The following RYR2 variants were observed in gnomAD, a reference collection of about 807,000 sequenced individuals.
RYR2 encodes ryanodine receptor 2, also known as cardiac muscle ryanodine receptor-calcium release channel.
A neutral mutation model predicts 601.1 loss-of-function variants in RYR2; 227 were observed. The observed-to-expected ratio is 0.38, with a 90% confidence interval of 0.34 to 0.42. RYR2 has a LOEUF of 0.42. RYR2 is among the 10% of genes least tolerant of loss of function. The pLI, the probability that RYR2 is intolerant of heterozygous loss-of-function variation, is 1.00. For synonymous variants in RYR2, 2,223 were observed against 2,175.1 expected, an observed-to-expected ratio of 1.02 and a Z score of -0.61; for missense variants, 4,646 against 6,156.5, an observed-to-expected ratio of 0.75 and a Z score of 8.21.
At chr1:237,141,858 C>T (rs1673428682) in intron 1 of RYR2, among the ~76,000 whole-genome samples, 1 of 152,140 alleles carries the variant, frequency 6.6e-6, no homozygotes, top group Non-Finnish European at 1.5e-5. Context: ...CTTGGTTCAC[C>T]ACTTGGACCT....
intron 2 of RYR2, among the ~76,000 whole-genome samples, chr1:237,323,840 G>A (rs1007656779): frequency 2.6e-5 from 4 of 152,146 alleles, no homozygotes; most frequent in Admixed American, 6.5e-5. Flanking sequence ...ATTTAAGACC[G>A]GGGAAAACCC....
At position 237,716,851 on chromosome 1, in the gene RYR2, T is replaced by G. The variant is rs377061433; in HGVS notation, c.10324-347T>G. Among the ~76,000 whole-genome samples, 7 of 152,286 alleles carry G rather than the reference T, an allele frequency of 4.6e-5. No individual in the cohort carries two copies. The East Asian group carries it at 7.7e-4, about 17-fold the overall frequency. ...CAAAAATAAGCCCTTTATTCTTATA[T>G]TTCTTAAGCATTGAAAATTAGAAAG... On this transcript the variant is annotated intron_variant, in intron 71 of 104. Coordinates refer to ENST00000366574, the MANE Select transcript of RYR2 (RefSeq NM_001035.3).
chr1:237,305,146 A>G (rs2149467721), intron 2 of RYR2, among the ~76,000 whole-genome samples: 1 of 152,328 alleles, frequency 6.6e-6, no homozygotes, highest in East Asian at 1.9e-4. Flanking sequence ...TCTTAGGTAT[A>G]TATTCTAGCA....
chr1:237,216,709 T>C (rs1007248402), intron 1 of RYR2, among the ~76,000 whole-genome samples: 7 of 150,982 alleles, frequency 4.6e-5, no homozygotes, highest in African/African-American at 1.5e-4. Context: ...GCACTCCAGC[T>C]TGGGCGACAC....
At chr1:237,442,885 A>G (rs6666203) in intron 13 of RYR2, among the ~76,000 whole-genome samples, 7,443 of 152,280 alleles carry the variant, frequency 0.049, 446 homozygotes, top group African/African-American at 0.15. Flanking sequence ...CTAGATGAAC[A>G]CAATTTTTAG....
chr1:237,727,426 A>T (rs933712789), intron 76 of RYR2, among the ~76,000 whole-genome samples: 1 of 152,136 alleles, frequency 6.6e-6, no homozygotes, highest in African/African-American at 2.4e-5. Flanking sequence ...CTGCTCACAT[A>T]TGTGAGGCAA....
intron 1 of RYR2, among the ~76,000 whole-genome samples, chr1:237,083,618 A>G (rs1052911718): frequency 2.0e-5 from 3 of 152,042 alleles, no homozygotes; most frequent in Non-Finnish European, 2.9e-5. Flanking sequence ...AGAGAAGGAG[A>G]TAGTGGGCTA....
At chr1:237,801,977 T>C in intron 98 of RYR2, 61 bp downstream of exon 98, 1 of 976,066 alleles carries the variant, frequency 1.0e-6, no homozygotes, top group Non-Finnish European at 1.6e-6. Flanking sequence ...CTGTGGGAGT[T>C]CTGCAGATGG....
rs536720225 is a variant in RYR2 at position 237,394,682 on chromosome 1, T to C, written c.773+6499T>C. On this transcript the variant is annotated intron_variant, in intron 10 of 104. Coordinates refer to ENST00000366574, the MANE Select transcript of RYR2 (RefSeq NM_001035.3). ...TCAACTCAATTCTTTTAATATTTATTGAGGGACTTGTATAGCCCAGACATC... is the reference window on the plus strand; with the variant it reads ...TCAACTCAATTCTTTTAATATTTATCGAGGGACTTGTATAGCCCAGACATC... 3.0e-3 allele frequency among the ~76,000 whole-genome samples: 457 copies of C among 152,344 alleles called. 2 individuals are homozygous for C. The highest frequency in any genetic ancestry group is 4.7e-3 in the Non-Finnish European group (318 of 68,018).
At chr1:237,620,862 AG>A (rs1678999766) in intron 38 of RYR2, among the ~76,000 whole-genome samples, 1 of 152,302 alleles carries the variant, frequency 6.6e-6, no homozygotes, top group East Asian at 1.9e-4. Flanking sequence ...TTGATAGAAC[AG>A]CTGAACAGAA....
At chr1:237,718,423 A>G (rs932672829) in intron 72 of RYR2, 39 bp from the exon 73 acceptor site, 12 of 1,094,386 alleles carry the variant, frequency 1.1e-5, no homozygotes, top group East Asian at 2.4e-5. Flanking sequence ...AGTTGATGCA[A>G]TAGAAGACTC....
At chr1:237,044,972 A>T (rs1395727667) in intron 1 of RYR2, among the ~76,000 whole-genome samples, 6 of 120,726 alleles carry the variant, frequency 5.0e-5, no homozygotes, top group African/African-American at 8.2e-5. Flanking sequence ...TTTTTTTTTT[A>T]AAGCAAATAG....
chr1:237,712,078 C>T (rs1182730363), intron 71 of RYR2, among the ~76,000 whole-genome samples: 1 of 151,970 alleles, frequency 6.6e-6, no homozygotes, highest in African/African-American at 2.4e-5. Flanking sequence ...CTGACAGATC[C>T]CTGGAAACAG....
At chr1:237,135,598 G>A (rs758847561) in intron 1 of RYR2, among the ~76,000 whole-genome samples, 1 of 148,770 alleles carries the variant, frequency 6.7e-6, no homozygotes, top group East Asian at 2.0e-4. Flanking sequence ...GAATGGTCTC[G>A]ATCTCCTGAA....
intron 1 of RYR2, among the ~76,000 whole-genome samples, chr1:237,145,469 T>G (rs1418705914): frequency 1.3e-5 from 2 of 152,196 alleles, no homozygotes; most frequent in Non-Finnish European, 2.9e-5. Flanking sequence ...TCCTATTGTA[T>G]CTCCTGGCGC....
chr1:237,281,176 C>A (rs895051269), intron 2 of RYR2, among the ~76,000 whole-genome samples: 3 of 152,052 alleles, frequency 2.0e-5, no homozygotes, highest in African/African-American at 7.2e-5. Flanking sequence ...TTGAAATTCC[C>A]AAAATAGAAG....
chr1:237,657,262 T>C lies in RYR2; in HGVS notation c.8130-682T>C, dbSNP rs78223160. On this transcript the variant is annotated intron_variant, in intron 53 of 104. Coordinates refer to ENST00000366574, the MANE Select transcript of RYR2 (RefSeq NM_001035.3). The stretch of plus-strand genomic sequence containing the variant: ...TGGAAAACAACAGCAAACCATCTTA[T>C]ACTAGATTTTATGTAGAATTGTATT... Among the ~76,000 whole-genome samples the C allele has an allele frequency of 8.7e-3, 1,320 of 152,276 alleles. 19 individuals are homozygous for C. Among genetic ancestry groups the C allele is most frequent in the African/African-American group, 0.03 (1,231 of 41,554 alleles).
intron 2 of RYR2, among the ~76,000 whole-genome samples, chr1:237,296,870 C>T (rs1692831977): frequency 6.6e-6 from 1 of 152,110 alleles, no homozygotes. Flanking sequence ...TCTTGGAATC[C>T]TTATTGTCTA....
chr1:237,760,863 C>T, intron 83 of RYR2, 92 bp from the exon 84 acceptor site: 1 of 750,972 alleles, frequency 1.3e-6, no homozygotes, highest in African/African-American at 1.8e-5. Flanking sequence ...GCTTCATCTT[C>T]CAAGATATAT....
Sources: allele counts gnomAD v4.1 joint callset (sites outside exome capture counted in the v4.1 genomes callset), GRCh38; gene constraint gnomAD v4.1.1; transcripts MANE v1.5; gene names NCBI Gene and HGNC (gene_info 2026-07-23, HGNC 2026-07-21).